The following UBE2D3 variants were observed in gnomAD, a reference collection of about 807,000 sequenced individuals.
UBE2D3 encodes the protein ubiquitin-conjugating enzyme E2 D3.
In UBE2D3, 2 loss-of-function variants were observed where a neutral mutation model predicts 22.8. The observed-to-expected ratio is 0.09, with a 90% CI of 0.04 to 0.28. UBE2D3 has a LOEUF of 0.28. UBE2D3 is among the 10% of genes least tolerant of loss of function. UBE2D3 has a pLI of 1.00. For missense variants in UBE2D3, 27 were observed against 182.5 expected (o/e 0.15, Z 4.91); for synonymous variants, 56 against 60.4 (o/e 0.93, Z 0.34).
intron 4 of UBE2D3, 45 bp downstream of exon 4, chr4:102,809,627 C>T (rs1484184629): frequency 6.5e-7 from 1 of 1,541,910 alleles, no homozygotes; most frequent in East Asian, 2.3e-5. Flanking sequence ...CAAATCAATG[C>T]TGGATTTTCA....
intron 1 of UBE2D3, among the ~76,000 whole-genome samples, chr4:102,839,511 A>C (rs943573451): frequency 2.0e-5 from 3 of 152,140 alleles, no homozygotes; most frequent in African/African-American, 7.2e-5. Flanking sequence ...GGGATCAAGC[A>C]ACCTGCCCGC....
intron 2 of UBE2D3, among the ~76,000 whole-genome samples, chr4:102,822,998 C>T (rs1446700304): frequency 6.6e-6 from 1 of 152,154 alleles, no homozygotes; most frequent in Admixed American, 6.5e-5. Flanking sequence ...TGGTGCCTAT[C>T]TGATTTGAAT....
At position 102,825,563 on chromosome 4, in the gene UBE2D3, A is replaced by C. The variant is rs1056741773; in HGVS notation, c.24+922T>G. The C allele has an allele frequency of 9.2e-6, 11 of 1,195,402 alleles. 1 individual carries two copies. The highest frequency in any genetic ancestry group is 1.2e-5 in the Non-Finnish European group (11 of 944,938). 74.0% of individuals were successfully genotyped at this position (1,195,402 alleles called of 1,614,324 possible). On this transcript the variant is annotated intron_variant, in intron 2 of 7. Coordinates refer to ENST00000453744, the MANE Select transcript of UBE2D3 (RefSeq NM_181891.3). ...AATGCGGGATAGAAGTTAGAGCAAG[A>C]AAATGAGACTAAACCACCGGAGGTG...
chr4:102,826,681 G>A lies in UBE2D3; in HGVS notation c.-128-45C>T, dbSNP rs1441774983. 8.0e-6 allele frequency: 12 copies of A among 1,501,044 alleles called. No homozygotes were observed. In the South Asian group the frequency reaches 1.3e-4, roughly 17 times the overall value. 93.0% of individuals were successfully genotyped at this position (1,501,044 alleles called of 1,614,324 possible). A position where few individuals can be genotyped will look rare whatever the true frequency, so the allele number is the denominator to read the frequency against. ...GATCAGCACTCGCACAGGCCCCGAA[G>A]AGCCCCTGATGAATCCAGGTCCCTT... On this transcript the variant is annotated intron_variant, in intron 1 of 7. Transcript: ENST00000453744.
chr4:102,841,892 T>G (rs1253074518), intron 1 of UBE2D3, among the ~76,000 whole-genome samples: 1 of 152,194 alleles, frequency 6.6e-6, no homozygotes, highest in Non-Finnish European at 1.5e-5. Context: ...CTACTTTTCC[T>G]TCTCCAGACT....
At chr4:102,818,930 T>C (rs1193120010) in intron 2 of UBE2D3, among the ~76,000 whole-genome samples, 1 of 152,178 alleles carries the variant, frequency 6.6e-6, no homozygotes, top group African/African-American at 2.4e-5. Flanking sequence ...CCTCATTCAA[T>C]GATAAGTGGT....
chr4:102,815,122 C>T (rs920643657), intron 2 of UBE2D3, among the ~76,000 whole-genome samples: 2 of 152,074 alleles, frequency 1.3e-5, no homozygotes, highest in Non-Finnish European at 2.9e-5. Context: ...TGGCTCACTG[C>T]AACCTCTGCC....
rs1021327376 is a variant in UBE2D3 at position 102,795,230 on chromosome 4, C to T, written c.*2185G>A. 5 of 151,958 alleles carry T rather than the reference C, an allele frequency of 3.3e-5. No individual in the cohort carries two copies. The highest frequency in any genetic ancestry group is 4.8e-5 in the African/African-American group (2 of 41,396). The allele number at this position is 151,958 out of a possible 1,614,324, so 9.4% of individuals were successfully genotyped here. A position where few individuals can be genotyped will look rare whatever the true frequency, so the allele number is the denominator to read the frequency against. ...TTATGACAATCAAAGAAGTCATCTC[C>T]GTAAATACCTAAGGGTTGTCTAAGG... is the stretch of plus-strand genomic sequence containing the variant. On this transcript the variant is annotated 3_prime_UTR_variant, in exon 8 of 8. Coordinates refer to ENST00000453744, the MANE Select transcript of UBE2D3 (RefSeq NM_181891.3).
chr4:102,852,607 G>A (rs1732417462), intron 1 of UBE2D3, among the ~76,000 whole-genome samples: 1 of 152,270 alleles, frequency 6.6e-6, no homozygotes, highest in Admixed American at 6.5e-5. Flanking sequence ...TTTGATAGCT[G>A]TATAATATTT....
intron 1 of UBE2D3, among the ~76,000 whole-genome samples, chr4:102,840,894 G>A (rs1054784353): frequency 6.6e-6 from 1 of 152,030 alleles, no homozygotes; most frequent in East Asian, 1.9e-4. Flanking sequence ...GCAGGCGCCT[G>A]TAGTCCCAGC....
chr4:102,820,800 A>G (rs223399), intron 2 of UBE2D3, among the ~76,000 whole-genome samples: 82,723 of 151,974 alleles, frequency 0.54, 23,108 homozygotes, highest in African/African-American at 0.68. Flanking sequence ...GAAAACATTC[A>G]ATTACACATT....
rs1344533951 is a variant in UBE2D3 at position 102,796,986 on chromosome 4, G to C, written c.*429C>G. ...CTCTAACAGTGGAAGGCTTAAACAA[G>C]AATGGATGCTGCTAGAATAATGCTG... On this transcript the variant is annotated 3_prime_UTR_variant, in exon 8 of 8. Coordinates refer to ENST00000453744, the MANE Select transcript of UBE2D3 (RefSeq NM_181891.3). 1.3e-5 allele frequency: 2 copies of C among 156,168 alleles called. No individual in the cohort carries two copies. The highest frequency in any genetic ancestry group is 2.4e-5 in the African/African-American group (1 of 41,544). The allele number at this position is 156,168 out of a possible 1,614,324, so 9.7% of individuals were successfully genotyped here.
At chr4:102,845,407 GT>G (rs1219692448) in intron 1 of UBE2D3, among the ~76,000 whole-genome samples, 1 of 152,098 alleles carries the variant, frequency 6.6e-6, no homozygotes. Flanking sequence ...ATTAGTTTGG[GT>G]TGTGGCCTGG....
intron 4 of UBE2D3, among the ~76,000 whole-genome samples, chr4:102,807,492 A>G (rs1727248310): frequency 6.6e-6 from 1 of 152,214 alleles, no homozygotes; most frequent in Non-Finnish European, 1.5e-5. Flanking sequence ...TAACCTTTTT[A>G]ACTGAAAACA....
rs1312600120 is a variant in UBE2D3, at chr4:102,796,186, ATGT to A, written c.*1226_*1228del. On this transcript the variant is annotated 3_prime_UTR_variant, in exon 8 of 8. Coordinates refer to ENST00000453744, the MANE Select transcript of UBE2D3 (RefSeq NM_181891.3). ...CAAATTTTGACCCATTATTACTCCC[ATGT>A]TGTTTTTTTTCAGCTGTCAAGTGTA... 1.3e-5 allele frequency: 2 copies of A among 152,296 alleles called. No homozygotes were observed. Among genetic ancestry groups the A allele is most frequent in the African/African-American group, 2.4e-5 (1 of 41,386 alleles). The allele number at this position is 152,296 out of a possible 1,614,324, so 9.4% of individuals were successfully genotyped here. A position where few individuals can be genotyped will look rare whatever the true frequency, so the allele number is the denominator to read the frequency against.
upstream of UBE2D3, among the ~76,000 whole-genome samples, chr4:102,830,536 T>G (rs1731063829): frequency 6.6e-6 from 1 of 152,208 alleles, no homozygotes; most frequent in African/African-American, 2.4e-5. Flanking sequence ...TTATCTTGCA[T>G]GAATTGACAT....
chr4:102,828,124 A>G (rs1035877967), upstream of UBE2D3: 1 of 985,448 alleles, frequency 1.0e-6, no homozygotes, highest in Admixed American at 6.1e-5. Flanking sequence ...CACTGCCAGG[A>G]AAGCAACGCC....
In UBE2D3 at chr4:102,817,097, T is replaced by C. The variant is rs561285655; in HGVS notation, c.25-7242A>G. 5.9e-5 allele frequency among the ~76,000 whole-genome samples: 9 copies of C among 152,226 alleles called. No individual in the cohort carries two copies. In the East Asian group the frequency reaches 1.4e-3, roughly 23 times the overall value. ...CAAGAACAAGGAGTGAGAGAAGCAT[T>C]CTAGGTAGAGAAACTCAAAGTCAGG... On this transcript the variant is annotated intron_variant, in intron 2 of 7. Transcript: ENST00000453744.
chr4:102,821,639 T>C (rs1729636424), intron 2 of UBE2D3, among the ~76,000 whole-genome samples: 1 of 152,114 alleles, frequency 6.6e-6, no homozygotes, highest in South Asian at 2.1e-4. Context: ...CAATCTGACA[T>C]TTAAAAATAA....
Sources: allele counts gnomAD v4.1 joint callset (sites outside exome capture counted in the v4.1 genomes callset), GRCh38; gene constraint gnomAD v4.1.1; transcripts MANE v1.5; gene names NCBI Gene and HGNC (gene_info 2026-07-23, HGNC 2026-07-21).